PTPRE: variants seen among roughly 807,000 people sequenced by gnomAD.
PTPRE encodes the protein receptor-type tyrosine-protein phosphatase epsilon.
PTPRE carries 51 observed loss-of-function variants against 102.0 expected under a neutral mutation model. The observed-to-expected ratio is 0.50, with a 90% CI of 0.40 to 0.63. The LOEUF is 0.63. Among genes scored for constraint, PTPRE ranks in the 30% least tolerant of loss-of-function variants. PTPRE has a pLI of 0.00. For missense variants in PTPRE, 752 were observed against 915.1 expected (o/e 0.82, Z 2.30); for synonymous variants, 345 against 348.2 (o/e 0.99, Z 0.10).
intron 10 of PTPRE, among the ~76,000 whole-genome samples, chr10:128,065,256 G>A (rs1849979465): frequency 6.6e-6 from 1 of 152,246 alleles, no homozygotes; most frequent in Non-Finnish European, 1.5e-5. Flanking sequence ...GAGCTGTGCT[G>A]CTCAGGGGCC....
At chr10:128,059,937 T>G (rs1849377160) in intron 7 of PTPRE, among the ~76,000 whole-genome samples, 1 of 92,108 alleles carries the variant, frequency 1.1e-5, no homozygotes, top group Non-Finnish European at 2.1e-5. Flanking sequence ...ACACACTACA[T>G]GCACACACAC....
chr10:128,030,942 G>A (rs1232739127), intron 2 of PTPRE, among the ~76,000 whole-genome samples: 2 of 152,286 alleles, frequency 1.3e-5, no homozygotes, highest in South Asian at 2.1e-4. Context: ...TGCTTCCCCC[G>A]CCTAACACAT....
chr10:127,991,657 A>G (rs1008365916), intron 2 of PTPRE, among the ~76,000 whole-genome samples: 2 of 152,220 alleles, frequency 1.3e-5, no homozygotes, highest in African/African-American at 4.8e-5. Context: ...AATCCAATCC[A>G]TTTGGGAAGT....
At chr10:127,932,906 A>G (rs988136711) in intron 1 of PTPRE, among the ~76,000 whole-genome samples, 22 of 152,202 alleles carry the variant, frequency 1.4e-4, no homozygotes, top group African/African-American at 5.1e-4. Flanking sequence ...CTCAGCTTCC[A>G]CACAGGCTGT....
chr10:128,034,543 T>G (rs796511883), intron 2 of PTPRE, among the ~76,000 whole-genome samples: 12 of 151,952 alleles, frequency 7.9e-5, no homozygotes, highest in African/African-American at 2.9e-4. Context: ...AAAAAAGTCT[T>G]AAATTTTGCC....
rs567794447 is a variant in PTPRE at position 127,957,835 on chromosome 10, G to A, written c.-30-24439G>A. 9.9e-5 allele frequency among the ~76,000 whole-genome samples: 15 copies of A among 152,278 alleles called. No individual in the cohort carries two copies. The East Asian group carries it at 2.9e-3, about 29-fold the overall frequency. ...TTTAAATTTGTTTATCCGTGAACAC[G>A]GAATGTCTCTCCATTTATTTAGTTG... is the stretch of plus-strand genomic sequence containing the variant. On this transcript the variant is annotated intron_variant, in intron 1 of 20. Transcript: ENST00000254667.
chr10:128,054,986 T>C (rs1266848492), intron 6 of PTPRE, among the ~76,000 whole-genome samples: 1 of 152,062 alleles, frequency 6.6e-6, no homozygotes, highest in East Asian at 2.0e-4. Flanking sequence ...CCTGGACAAA[T>C]CTATAACACC....
chr10:128,050,342 T>TGGAC (rs1848464557), intron 6 of PTPRE, among the ~76,000 whole-genome samples: 1 of 95,760 alleles, frequency 1.0e-5, no homozygotes, highest in Non-Finnish European at 2.3e-5. Context: ...GATGGATGGA[T>TGGAC]GGATGGATGG....
At chr10:127,921,075 G>A (rs1272419859) in intron 1 of PTPRE, among the ~76,000 whole-genome samples, 3 of 152,230 alleles carry the variant, frequency 2.0e-5, no homozygotes, top group Admixed American at 6.5e-5. Context: ...GGGGCCAGAG[G>A]TGGAAACACA....
intron 10 of PTPRE, among the ~76,000 whole-genome samples, chr10:128,064,428 G>T (rs12571328): frequency 0.028 from 4,245 of 152,324 alleles, 146 homozygotes; most frequent in East Asian, 0.14. Flanking sequence ...GGAAGTAGGG[G>T]ATTCCCAGCC....
At chr10:128,003,716 G>A (rs140573948) in intron 2 of PTPRE, among the ~76,000 whole-genome samples, 6 of 152,236 alleles carry the variant, frequency 3.9e-5, no homozygotes, top group East Asian at 1.9e-4. Flanking sequence ...AAATGTTGCC[G>A]TGCAACTTCT....
intron 2 of PTPRE, among the ~76,000 whole-genome samples, chr10:128,027,486 C>T (rs1186589309): frequency 6.6e-6 from 1 of 152,114 alleles, no homozygotes; most frequent in African/African-American, 2.4e-5. Context: ...ATGCCATTTC[C>T]CTGCTGTAAT....
chr10:128,016,090 G>A (rs1286966600), intron 2 of PTPRE, among the ~76,000 whole-genome samples: 1 of 152,164 alleles, frequency 6.6e-6, no homozygotes, highest in East Asian at 1.9e-4. Context: ...ACTGAAAAGG[G>A]ACAAGAAGGA....
chr10:128,001,289 C>T (rs1162078510), intron 2 of PTPRE, among the ~76,000 whole-genome samples: 1 of 152,254 alleles, frequency 6.6e-6, no homozygotes, highest in South Asian at 2.1e-4. Context: ...GTGGGAAGTT[C>T]TCAGGAAGTC....
rs1848505996 is a variant in PTPRE at position 127,944,658 on chromosome 10, C to G, written c.-31+37349C>G. Among the ~76,000 whole-genome samples, 1 of 152,032 alleles carries G rather than the reference C, an allele frequency of 6.6e-6. No individual in the cohort carries two copies. Among genetic ancestry groups the G allele is most frequent in the Non-Finnish European group, 1.5e-5 (1 of 68,010 alleles). On this transcript the variant is annotated intron_variant, in intron 1 of 20. Transcript: ENST00000254667. The surrounding 1 kb of genome is among the most constrained non-coding windows in gnomAD (Gnocchi z 4.2). ...AAGGATTTTGCACATAATAGAAGGT[C>G]ATTTGAGGAGATTGAGCAGGAGAGT...
At chr10:127,962,514 G>A (rs1199143776) in intron 1 of PTPRE, among the ~76,000 whole-genome samples, 2 of 152,196 alleles carry the variant, frequency 1.3e-5, no homozygotes, top group Non-Finnish European at 1.5e-5. Context: ...GCATCTGAAC[G>A]GGGAGGGGTC....
intron 4 of PTPRE, 134 bp downstream of exon 4, chr10:128,047,623 A>T (rs750749492): frequency 6.2e-6 from 10 of 1,613,878 alleles, no homozygotes; most frequent in Non-Finnish European, 8.5e-6. Context: ...AGACACACAG[A>T]GGCCAGGCCT....
chr10:128,085,353 G>A lies in PTPRE; in HGVS notation c.*2447G>A, dbSNP rs1301597720. 4 of 263,842 alleles carry A rather than the reference G, an allele frequency of 1.5e-5. No homozygotes were observed. Among genetic ancestry groups the A allele is most frequent in the Non-Finnish European group, 2.4e-5 (3 of 127,614 alleles). The allele number at this position is 263,842 out of a possible 1,614,324, so 16.3% of individuals were successfully genotyped here. A position where few individuals can be genotyped will look rare whatever the true frequency, so the allele number is the denominator to read the frequency against. On this transcript the variant is annotated 3_prime_UTR_variant, in exon 21 of 21. Transcript: ENST00000254667. ...AACAGCCCCCAAACAGCCCAGTGCCGACACCATTGTTCCTTTCACACTTTC... is the reference window on the plus strand; with the variant it reads ...AACAGCCCCCAAACAGCCCAGTGCCAACACCATTGTTCCTTTCACACTTTC...
intron 2 of PTPRE, among the ~76,000 whole-genome samples, chr10:128,025,584 C>A (rs1564897109): frequency 6.6e-6 from 1 of 152,192 alleles, no homozygotes; most frequent in Non-Finnish European, 1.5e-5. Flanking sequence ...ATCCTGAGCT[C>A]CTCCCAGACC....
Sources: allele counts gnomAD v4.1 joint callset (sites outside exome capture counted in the v4.1 genomes callset), GRCh38; gene constraint gnomAD v4.1.1; non-coding constraint Gnocchi (gnomAD v3.1); transcripts MANE v1.5; gene names NCBI Gene and HGNC (gene_info 2026-07-23, HGNC 2026-07-21).